PRAM1: variants seen among roughly 807,000 people sequenced by gnomAD.
The protein encoded by PRAM1 is PML-RARA-regulated adapter molecule 1.
Under a neutral mutation model 55.3 loss-of-function variants are expected in PRAM1, and 41 were observed. The observed-to-expected ratio is 0.74, with a 90% CI of 0.58 to 0.96. The LOEUF is 0.96. Ranked by LOEUF, PRAM1 falls within the 40% of genes least tolerant of loss-of-function variation. The pLI is 0.00. For missense variants in PRAM1, 898 were observed against 892.7 expected (o/e 1.01, Z -0.08); for synonymous variants, 401 against 387.1 (o/e 1.04, Z -0.42).
intron 4 of PRAM1, among the ~76,000 whole-genome samples, chr19:8,495,301 T>C (rs1971683645): frequency 6.6e-6 from 1 of 151,998 alleles, no homozygotes; most frequent in Non-Finnish European, 1.5e-5. Flanking sequence ...GGTTTCTCCA[T>C]GTTGTTCAGG....
intron 4 of PRAM1, chr19:8,492,104 T>A (rs1453586031): frequency 2.0e-5 from 3 of 151,546 alleles, no homozygotes; most frequent in African/African-American, 7.3e-5. Flanking sequence ...GCTAATTTTT[T>A]TTTTTATTTT....
intron 4 of PRAM1, among the ~76,000 whole-genome samples, chr19:8,496,447 G>A (rs113046735): frequency 0.049 from 7,411 of 151,968 alleles, 541 homozygotes; most frequent in African/African-American, 0.16. Context: ...ATATAAGGCC[G>A]GGCGCGGTGG....
intron 3 of PRAM1, 77 bp from the exon 4 acceptor site, chr19:8,497,917 G>A: frequency 1.2e-6 from 1 of 865,542 alleles, no homozygotes; most frequent in Non-Finnish European, 1.5e-6. Context: ...TTTCTCTGTT[G>A]CCCAGGCTGG....
Position 8,499,407 on chromosome 19 carries a change from A to T in PRAM1, c.401T>A (p.Leu134Gln). The T allele has an allele frequency of 6.2e-7, 1 of 1,612,340 alleles. No individual in the cohort carries two copies. The highest frequency in any genetic ancestry group is 8.5e-7 in the Non-Finnish European group (1 of 1,179,760). The change falls in exon 2 of 10, where the codon CTG becomes CAG. Residue 134 changes from leucine (L) to glutamine (Q), a missense_variant. By Grantham distance (113) the Leu-to-Gln change is moderately radical (BLOSUM62 -2). This residue lies in a region of PRAM1 where 787 missense variants were observed against 735.4 expected (regional missense o/e 1.07). Transcript: ENST00000423345. ...CTTCCTTGGAAACGGAGTGGCCCCC[A>T]GCTGTGGGAACTTCTTGGAGAGGTC... ...LSDLSKKFPQ[L>Q]GATPFPRKPL...
rs555985088 is a variant in PRAM1 at position 8,498,622 on chromosome 19, C to T, written c.1186G>A (p.Ala396Thr). The change falls in exon 2 of 10, where the codon GCC becomes ACC. Residue 396 changes from alanine (A) to threonine (T), a missense_variant. Ala to Thr is a moderately conservative substitution (Grantham distance 58). This residue lies in a region of PRAM1 where 787 missense variants were observed against 735.4 expected (regional missense o/e 1.07). Coordinates refer to ENST00000423345, the MANE Select transcript of PRAM1 (RefSeq NM_032152.5). ...TGCCGGGAGCTGAAGCCGGCCACGG[C>T]CGCAGGCAGTGAGCTCTCGGAAGCG... The part of the protein sequence containing the change: ...SSASESSLPA[A>T]VAGFSSRHPL... 2.6e-5 allele frequency: 42 copies of T among 1,612,520 alleles called. No individual in the cohort carries two copies. The African/African-American group carries it at 5.5e-4, about 21-fold the overall frequency.
rs775954405 is a variant in PRAM1, at chr19:8,499,324, C to T, written c.484G>A (p.Ala162Thr). 1.2e-6 allele frequency: 2 copies of T among 1,610,602 alleles called. No homozygotes were observed. Among genetic ancestry groups the T allele is most frequent in the South Asian group, 1.1e-5 (1 of 90,926 alleles). The change falls in exon 2 of 10, where the codon GCG becomes ACG. Residue 162 changes from alanine to threonine, a missense_variant. Ala to Thr is a moderately conservative substitution (Grantham distance 58). Around this residue, in one of 4 missense-constraint regions of PRAM1, gnomAD observed 787 missense variants for 735.4 expected, o/e 1.07. Coordinates refer to ENST00000423345, the MANE Select transcript of PRAM1 (RefSeq NM_032152.5). ...GGCTGCAGGGGTTTCCGGGCCGGCGCACCAGGCTCCGGCAGCGAGGCCTTC... is the reference window on the plus strand; with the variant it reads ...GGCTGCAGGGGTTTCCGGGCCGGCGTACCAGGCTCCGGCAGCGAGGCCTTC... Reference protein sequence around the residue: ...PLKASLPEPGAPARKPLQPDE... With the variant: ...PLKASLPEPGTPARKPLQPDE...
intron 4 of PRAM1, among the ~76,000 whole-genome samples, chr19:8,497,433 C>T (rs1238382698): frequency 6.6e-6 from 1 of 152,148 alleles, no homozygotes; most frequent in African/African-American, 2.4e-5. Context: ...GTCTTGGCCT[C>T]ACAAAGCCCT....
chr19:8,490,922 C>G lies in PRAM1; in HGVS notation c.1708G>C (p.Glu570Gln). 6.2e-7 allele frequency: 1 copy of G among 1,613,820 alleles called. No homozygotes were observed. The highest frequency in any genetic ancestry group is 2.2e-5 in the East Asian group (1 of 44,870). ...PKLLKQLRKA[E>Q]KAEREFRKKF... The stretch of plus-strand genomic sequence containing the variant: ...TTCCGGAACTCCCTCTCGGCCTTCT[C>G]TGCCTTCCTCAGCTGCTTCAGCAAC... The change falls in exon 6 of 10, where the codon GAG (glutamate) becomes CAG (glutamine). Residue 570 changes from glutamate to glutamine, a missense_variant. Coordinates refer to ENST00000423345, the MANE Select transcript of PRAM1 (RefSeq NM_032152.5). This position sits in a 1 kb window ranked among gnomAD's most constrained non-coding sequence, Gnocchi z 7.3.
At position 8,496,380 on chromosome 19, in the gene PRAM1, C is replaced by A. The variant is rs990250485; in HGVS notation, c.1576+1384G>T. On this transcript the variant is annotated intron_variant, in intron 4 of 9. Transcript: ENST00000423345. ...AGTGAGCTGAGATGGCACCACTACA[C>A]TCCAGCCTGGGCGATAACAGAGCGA... 3.3e-5 allele frequency among the ~76,000 whole-genome samples: 5 copies of A among 151,986 alleles called. No individual in the cohort carries two copies. In the East Asian group the frequency reaches 9.7e-4, roughly 30 times the overall value.
In PRAM1 at chr19:8,499,334, C is replaced by T. The variant is rs372388181; in HGVS notation, c.474G>A (p.Pro158=). The T allele has an allele frequency of 6.2e-6, 10 of 1,610,994 alleles. No homozygotes were observed. The highest frequency in any genetic ancestry group is 5.0e-5 in the Admixed American group (3 of 59,460). ...GTTTCCGGGCCGGCGCACCAGGCTCCGGCAGCGAGGCCTTCAAAGGGGCCT... is the reference window on the plus strand; with the variant it reads ...GTTTCCGGGCCGGCGCACCAGGCTCTGGCAGCGAGGCCTTCAAAGGGGCCT... ...VGEAPLKASL[P]EPGAPARKPL... The change falls in exon 2 of 10, where the codon CCG becomes CCA. Residue 158 remains proline (P), a synonymous_variant. Coordinates refer to ENST00000423345, the MANE Select transcript of PRAM1 (RefSeq NM_032152.5).
intron 4 of PRAM1, 184 bp from the exon 5 acceptor site, chr19:8,491,341 C>A (rs894327528): frequency 2.0e-5 from 13 of 645,708 alleles, no homozygotes; most frequent in Non-Finnish European, 2.5e-5. Flanking sequence ...TCAAGCGATT[C>A]TCCTACCTCA....
chr19:8,491,562 G>C, intron 4 of PRAM1: 1 of 301,610 alleles, frequency 3.3e-6, no homozygotes, highest in South Asian at 3.1e-5. Flanking sequence ...AGGCCTCCCT[G>C]TGTCAGTTCT....
At chr19:8,496,966 C>T (rs1397138497) in intron 4 of PRAM1, among the ~76,000 whole-genome samples, 1 of 152,072 alleles carries the variant, frequency 6.6e-6, no homozygotes, top group Non-Finnish European at 1.5e-5. Flanking sequence ...GCGGAGCTTG[C>T]AGTGAGCTGA....
At position 8,499,199 on chromosome 19, in the gene PRAM1, C is replaced by T; in HGVS notation, c.609G>A (p.Arg203=). The change falls in exon 2 of 10, where the codon AGG becomes AGA. Residue 203 remains arginine (R), a synonymous_variant. Transcript: ENST00000423345. The part of the protein sequence containing the change: ...WQPEAGEATP[R]SPQPELSTFP... Reference sequence around the variant, plus strand: ...AGGTACTCAACTCAGGCTGCGGGGACCTCGGGGTAGCCTCACCGGCCTCGG... The same window carrying T: ...AGGTACTCAACTCAGGCTGCGGGGATCTCGGGGTAGCCTCACCGGCCTCGG... The T allele has an allele frequency of 1.2e-6, 2 of 1,613,754 alleles. No homozygotes were observed. The highest frequency in any genetic ancestry group is 8.5e-7 in the Non-Finnish European group (1 of 1,179,822).
chr19:8,490,709 G>A lies in PRAM1; in HGVS notation c.1791C>T (p.Asn597=), dbSNP rs377249274. Residue 597 remains asparagine (N), a synonymous_variant, in exon 7 of 10, where the codon AAC becomes AAT. Transcript: ENST00000423345. This position sits in a 1 kb window ranked among gnomAD's most constrained non-coding sequence, Gnocchi z 7.3. The stretch of plus-strand genomic sequence containing the variant: ...TGCCACCCCCGCGACGTGTCTTAGC[G>A]TTGGGGTCGATCATCATCTTCGTGT... ...VVHTKMMIDP[N]AKTRRGGGKH... is the part of the protein sequence containing the mutation. 27 of 1,610,964 alleles carry A rather than the reference G, an allele frequency of 1.7e-5. No individual in the cohort carries two copies. Among genetic ancestry groups the A allele is most frequent in the African/African-American group, 1.5e-4 (11 of 74,884 alleles).
intron 3 of PRAM1, among the ~76,000 whole-genome samples, 188 bp downstream of exon 3, chr19:8,498,035 C>T (rs943129136): frequency 5.9e-5 from 9 of 152,064 alleles, no homozygotes; most frequent in African/African-American, 2.2e-4. Context: ...GTGCCCCCCA[C>T]CACACCGGGC....
chr19:8,494,619 C>G (rs928866495), intron 4 of PRAM1, among the ~76,000 whole-genome samples: 1 of 148,074 alleles, frequency 6.8e-6, no homozygotes, highest in Non-Finnish European at 1.5e-5. Context: ...CTCAACCTTG[C>G]GTACCTATTT....
At chr19:8,492,251 CTTTTGT>C (rs1241390381) in intron 4 of PRAM1, among the ~76,000 whole-genome samples, 5 of 115,758 alleles carry the variant, frequency 4.3e-5, no homozygotes, top group South Asian at 3.0e-4. Flanking sequence ...TTTTTTGTTT[CTTTTGT>C]TTTTGTTTTT....
chr19:8,502,206 G>T (rs540041334), intron 1 of PRAM1, among the ~76,000 whole-genome samples: 8 of 152,248 alleles, frequency 5.3e-5, no homozygotes, highest in African/African-American at 1.9e-4. Context: ...GGACGGGGGA[G>T]GGTCATGACC....
Sources: allele counts gnomAD v4.1 joint callset (sites outside exome capture counted in the v4.1 genomes callset), GRCh38; gene constraint gnomAD v4.1.1; regional missense constraint gnomAD v4.1.1; non-coding constraint Gnocchi (gnomAD v3.1); transcripts MANE v1.5; gene names NCBI Gene and HGNC (gene_info 2026-07-23, HGNC 2026-07-21).